MN1: variants seen among roughly 807,000 people sequenced by gnomAD.
MN1 encodes the protein transcriptional activator MN1.
In MN1, 19 loss-of-function variants were observed where a neutral mutation model predicts 86.9. That is an observed-to-expected ratio of 0.22 (90% CI 0.15 to 0.32). The LOEUF (loss-of-function observed/expected upper bound fraction) is 0.32. Ranked by LOEUF, MN1 falls within the 10% of genes least tolerant of loss-of-function variation. The pLI, the probability that MN1 is intolerant of heterozygous loss-of-function variation, is 1.00. For missense variants in MN1, 1,841 were observed against 1,862.0 expected, an observed-to-expected ratio of 0.99 and a Z score of 0.21; for synonymous variants, 928 against 849.6, an observed-to-expected ratio of 1.09 and a Z score of -1.60.
At chr22:27,782,165 G>A (rs1056962919) in intron 1 of MN1, among the ~76,000 whole-genome samples, 34 of 152,178 alleles carry the variant, frequency 2.2e-4, no homozygotes, top group African/African-American at 3.6e-4. Context: ...CTAGGAACAC[G>A]TGCCCGATGG....
rs1932859844 is a variant in MN1, at chr22:27,765,156, C to T, written c.3782-14060G>A. On this transcript the variant is annotated intron_variant, in intron 1 of 1. Transcript: ENST00000302326. ...GCCCTTTGCAGAGAAAGTGTGCTGA[C>T]CCTTGAACCTGAGGCTCAGAGAGGT... 2.0e-5 allele frequency among the ~76,000 whole-genome samples: 3 copies of T among 152,334 alleles called. No individual in the cohort carries two copies. The South Asian group carries it at 6.2e-4, about 32-fold the overall frequency.
intron 1 of MN1, among the ~76,000 whole-genome samples, chr22:27,783,929 A>G (rs1933087650): frequency 6.6e-6 from 1 of 152,186 alleles, no homozygotes; most frequent in Non-Finnish European, 1.5e-5. Flanking sequence ...CGGCCAGTGC[A>G]ACAAGCTCTC....
At chr22:27,768,094 AGAG>A (rs904194448) in intron 1 of MN1, among the ~76,000 whole-genome samples, 2 of 152,114 alleles carry the variant, frequency 1.3e-5, no homozygotes, top group African/African-American at 2.4e-5. Flanking sequence ...ACAGACAAGG[AGAG>A]GAGGAGGGAA....
intron 1 of MN1, among the ~76,000 whole-genome samples, chr22:27,755,718 C>T (rs569927483): frequency 1.3e-4 from 20 of 152,312 alleles, no homozygotes; most frequent in Non-Finnish European, 2.5e-4. Context: ...CTGCTCACCC[C>T]GCTGCGATCA....
Position 27,796,764 on chromosome 22 carries a change from T to G in MN1, c.3780A>C (p.Glu1260Asp). 6.3e-7 allele frequency: 1 copy of G among 1,593,824 alleles called. No individual in the cohort carries two copies. The highest frequency in any genetic ancestry group is 8.5e-7 in the Non-Finnish European group (1 of 1,173,800). ...KAKPQNPNSK[E>D]AHDLPANKAS... ...AGAGGAAAACGAGTGTGCATATACCTTCTTTGCTGTTGGGGTTCTGGGGTT... is the reference window on the plus strand; with the variant it reads ...AGAGGAAAACGAGTGTGCATATACCGTCTTTGCTGTTGGGGTTCTGGGGTT... The change falls in exon 1 of 2, where the codon GAA (glutamate) becomes GAC (aspartate). Residue 1260 changes from glutamate to aspartate, a missense_variant and splice_region_variant. Physicochemically the swap from Glu to Asp is conservative, Grantham distance 45. Transcript: ENST00000302326.
intron 1 of MN1, among the ~76,000 whole-genome samples, chr22:27,772,767 G>A (rs1194692221): frequency 1.3e-5 from 2 of 151,988 alleles, no homozygotes; most frequent in Admixed American, 6.6e-5. Context: ...GTTTCCAGCC[G>A]CCAATAAGCT....
At chr22:27,770,844 A>G (rs1460186784) in intron 1 of MN1, among the ~76,000 whole-genome samples, 2 of 151,098 alleles carry the variant, frequency 1.3e-5, no homozygotes, top group Admixed American at 6.6e-5. Flanking sequence ...TTTTAAGTAG[A>G]GATGGGGTCT....
rs1360559962 is a variant in MN1 at position 27,749,501 on chromosome 22, G to A, written c.*1414C>T. On this transcript the variant is annotated 3_prime_UTR_variant, in exon 2 of 2. Coordinates refer to ENST00000302326, the MANE Select transcript of MN1 (RefSeq NM_002430.3). The stretch of plus-strand genomic sequence containing the variant: ...TGCCCCCCACCACAAGCCATAAATG[G>A]CTTTTGCAGGCATCAGCAGCACCCA... The A allele has an allele frequency of 1.3e-5, 3 of 232,254 alleles. No homozygotes were observed. The highest frequency in any genetic ancestry group is 2.6e-5 in the Non-Finnish European group (3 of 117,542). The allele number at this position is 232,254 out of a possible 1,614,324, so 14.4% of individuals were successfully genotyped here.
rs1933334687 is a variant in MN1, at chr22:27,798,014, G to T, written c.2530C>A (p.Leu844Ile). 6.2e-7 allele frequency: 1 copy of T among 1,605,704 alleles called. No individual in the cohort carries two copies. Among genetic ancestry groups the T allele is most frequent in the Non-Finnish European group, 8.5e-7 (1 of 1,177,364 alleles). ...NMIASLGAPN[L>I]NVTFNKKNPP... ...TTCTTCTTGTTGAAGGTCACGTTGA[G>T]GTTGGGGGCCCCGAGGCTGGCGATC... The change falls in exon 1 of 2, where the codon CTC becomes ATC. Residue 844 changes from leucine (L) to isoleucine (I), a missense_variant. Physicochemically the swap from Leu to Ile is conservative, Grantham distance 5. Transcript: ENST00000302326.
intron 1 of MN1, among the ~76,000 whole-genome samples, chr22:27,766,898 T>C (rs954423591): frequency 6.6e-6 from 1 of 152,098 alleles, no homozygotes; most frequent in Admixed American, 6.5e-5. Context: ...CTGTCATTTT[T>C]CCCCTCTTCC....
At chr22:27,782,746 A>G (rs1321383894) in intron 1 of MN1, among the ~76,000 whole-genome samples, 1 of 152,264 alleles carries the variant, frequency 6.6e-6, no homozygotes, top group Non-Finnish European at 1.5e-5. Flanking sequence ...AAGGACACAC[A>G]GCCAGGAACT....
intron 1 of MN1, among the ~76,000 whole-genome samples, chr22:27,778,787 T>C (rs1417862372): frequency 6.6e-6 from 1 of 152,210 alleles, no homozygotes. Flanking sequence ...CATCCTCGTG[T>C]AGCCCACCAC....
chr22:27,778,797 C>T (rs1933012596), intron 1 of MN1, among the ~76,000 whole-genome samples: 1 of 152,240 alleles, frequency 6.6e-6, no homozygotes, highest in South Asian at 2.1e-4. Flanking sequence ...TAGCCCACCA[C>T]AGTCAGGTGG....
chr22:27,777,075 C>G (rs1273807027), intron 1 of MN1, among the ~76,000 whole-genome samples: 2 of 152,138 alleles, frequency 1.3e-5, no homozygotes, highest in Non-Finnish European at 2.9e-5. Flanking sequence ...GGATTTTGCT[C>G]CCTACAATCC....
At chr22:27,766,316 G>A (rs1176599239) in intron 1 of MN1, among the ~76,000 whole-genome samples, 2 of 152,168 alleles carry the variant, frequency 1.3e-5, no homozygotes, top group Admixed American at 6.5e-5. Flanking sequence ...GAGCGATGCT[G>A]ACTGACTTGG....
chr22:27,775,798 C>A (rs1005910852), intron 1 of MN1, among the ~76,000 whole-genome samples: 1 of 152,204 alleles, frequency 6.6e-6, no homozygotes, highest in African/African-American at 2.4e-5. Context: ...GAGGCAGGGC[C>A]TGGGCCCCAA....
At chr22:27,771,956 T>C (rs1335636171) in intron 1 of MN1, among the ~76,000 whole-genome samples, 1 of 152,186 alleles carries the variant, frequency 6.6e-6, no homozygotes, top group Non-Finnish European at 1.5e-5. Flanking sequence ...ATATCAATTA[T>C]TGGAATCTTC....
rs1568985738 is a variant in MN1 at position 27,799,458 on chromosome 22, C to T, written c.1086G>A (p.Pro362=). ...GTCGGACTAGAAGCCCGGGTGGCGG[C>T]GGCGGCTGCTGCTGTGGCGGCTGCT... ...PPQQPPQQQP[P]PPPGLLVRQN... Residue 362 remains proline, a synonymous_variant, in exon 1 of 2, where the codon CCG becomes CCA. Transcript: ENST00000302326. 2.1e-6 allele frequency: 3 copies of T among 1,452,944 alleles called. No individual in the cohort carries two copies. The highest frequency in any genetic ancestry group is 2.7e-6 in the Non-Finnish European group (3 of 1,104,500). The allele number at this position is 1,452,944 out of a possible 1,614,324, so 90.0% of individuals were successfully genotyped here. A position where few individuals can be genotyped will look rare whatever the true frequency, so the allele number is the denominator to read the frequency against.
chr22:27,782,200 G>A (rs1382390929), intron 1 of MN1, among the ~76,000 whole-genome samples: 1 of 152,132 alleles, frequency 6.6e-6, no homozygotes, highest in African/African-American at 2.4e-5. Context: ...CAGACCACAG[G>A]GTCTGAATGC....
Sources: gnomAD v4.1 joint callset for allele counts (sites outside exome capture counted in the v4.1 genomes callset) on GRCh38, gnomAD v4.1.1 for gene constraint, MANE v1.5 for transcripts, NCBI Gene and HGNC (gene_info 2026-07-23, HGNC 2026-07-21) for gene names.